The following PCDHA8 variants were observed in gnomAD, a reference collection of about 807,000 sequenced individuals.
PCDHA8 encodes protocadherin alpha 8.
PCDHA8 carries 53 observed loss-of-function variants against 61.8 expected under a neutral mutation model. The ratio of observed to expected loss-of-function variants is 0.86; its 90% CI spans 0.69 to 1.08. The LOEUF is 1.08. Ranked by LOEUF, PCDHA8 falls within the 50% of genes least tolerant of loss-of-function variation. The probability of loss-of-function intolerance (pLI) is 0.00; values close to 1 mark genes in which losing one functional copy is unlikely to be tolerated. For synonymous variants in PCDHA8, 618 were observed against 556.6 expected (o/e 1.11, Z -1.55); for missense variants, 1,293 against 1,245.0 (o/e 1.04, Z -0.58).
rs1474245483 is a variant in PCDHA8, at chr5:140,946,429, A to C, written c.2395-32520A>C. Reference sequence around the variant, plus strand: ...ATAGAAAACAATATGGAGGTTACTCAAAAATTGAGACTAAAACAACTATCC... The same window carrying C: ...ATAGAAAACAATATGGAGGTTACTCCAAAATTGAGACTAAAACAACTATCC... On this transcript the variant is annotated intron_variant, in intron 1 of 3. Coordinates refer to ENST00000531613, the MANE Select transcript of PCDHA8 (RefSeq NM_018911.3). 2.0e-5 allele frequency among the ~76,000 whole-genome samples: 3 copies of C among 151,826 alleles called. No homozygotes were observed. In the East Asian group the frequency reaches 5.8e-4, roughly 29 times the overall value.
At position 140,856,759 on chromosome 5, in the gene PCDHA8, C is replaced by A. The variant is rs148775418; in HGVS notation, c.2394+13044C>A. The stretch of plus-strand genomic sequence containing the variant: ...TCCTGGTGTTAGATGCCAATGATAA[C>A]GCCCCTATCTTTGACAGACCGGTTT... On this transcript the variant is annotated intron_variant, in intron 1 of 3. Transcript: ENST00000531613. 2.5e-6 allele frequency: 4 copies of A among 1,596,386 alleles called. 1 individual carries two copies. The highest frequency in any genetic ancestry group is 1.7e-4 in the Middle Eastern group (1 of 5,998).
At chr5:140,914,929 G>A (rs1167844428) in intron 1 of PCDHA8, among the ~76,000 whole-genome samples, 2 of 145,306 alleles carry the variant, frequency 1.4e-5, no homozygotes, top group African/African-American at 5.0e-5. Flanking sequence ...ATTGTACTAT[G>A]TTGTGAAAAG....
intron 1 of PCDHA8, chr5:140,860,410 A>T (rs2046380485): frequency 6.6e-6 from 1 of 152,082 alleles, no homozygotes; most frequent in Non-Finnish European, 1.5e-5. Context: ...AGCAATAGTA[A>T]CACCATTATC....
At position 140,870,438 on chromosome 5, in the gene PCDHA8, C is replaced by T. The variant is rs192088459; in HGVS notation, c.2394+26723C>T. 3.9e-4 allele frequency: 630 copies of T among 1,614,178 alleles called. 3 individuals are homozygous for T. The African/African-American group carries it at 7.7e-3, about 20-fold the overall frequency. On this transcript the variant is annotated intron_variant, in intron 1 of 3. Coordinates refer to ENST00000531613, the MANE Select transcript of PCDHA8 (RefSeq NM_018911.3). ...CGGCCAGGGTATCCGTGGAGGTGGCCGACGTGAACGACAATGCGCCTGCGT... is the reference window on the plus strand; with the variant it reads ...CGGCCAGGGTATCCGTGGAGGTGGCTGACGTGAACGACAATGCGCCTGCGT...
At chr5:140,877,299 C>T in intron 1 of PCDHA8, 1 of 1,613,922 alleles carries the variant, frequency 6.2e-7, no homozygotes. Flanking sequence ...GGCTGTCCTA[C>T]GAGTTGCAAC....
At chr5:140,925,420 G>C (rs1332055982) in intron 1 of PCDHA8, among the ~76,000 whole-genome samples, 2 of 152,102 alleles carry the variant, frequency 1.3e-5, no homozygotes, top group Non-Finnish European at 2.9e-5. Flanking sequence ...AAAGGAACTG[G>C]TTGTAGGGTG....
intron 1 of PCDHA8, among the ~76,000 whole-genome samples, chr5:140,899,694 T>G (rs961067519): frequency 2.0e-5 from 3 of 152,236 alleles, no homozygotes; most frequent in African/African-American, 4.8e-5. Flanking sequence ...GCTGGCCTCA[T>G]AAAATGAGTT....
chr5:140,875,981 A>G lies in PCDHA8; in HGVS notation c.2394+32266A>G, dbSNP rs200521027. 1.0e-3 allele frequency: 1,684 copies of G among 1,614,052 alleles called. 3 individuals are homozygous for G. Among genetic ancestry groups the G allele is most frequent in the Admixed American group, 1.5e-3 (93 of 60,032 alleles). ...ATCGGCGTAAACTCTCTTTTGACCT[A>G]TGCGTTAAGTCTAAATGAGAATTTT... On this transcript the variant is annotated intron_variant, in intron 1 of 3. Transcript: ENST00000531613.
chr5:140,997,087 T>C (rs1218654416), intron 3 of PCDHA8, among the ~76,000 whole-genome samples: 4 of 152,156 alleles, frequency 2.6e-5, no homozygotes, highest in Non-Finnish European at 5.9e-5. Flanking sequence ...GAGTAGAAAG[T>C]GCAGAGTTCT....
chr5:140,983,754 A>T (rs2097065978), intron 3 of PCDHA8, among the ~76,000 whole-genome samples: 3 of 152,210 alleles, frequency 2.0e-5, no homozygotes. Flanking sequence ...AATCCATTCA[A>T]ATTCAAATAC....
chr5:140,882,966 T>C (rs201472469), intron 1 of PCDHA8: 3 of 1,614,202 alleles, frequency 1.9e-6, no homozygotes, highest in Non-Finnish European at 8.5e-7. Context: ...ATCACGATTC[T>C]GGACGTGAAT....
chr5:140,910,577 C>T (rs1425639563), intron 1 of PCDHA8, among the ~76,000 whole-genome samples: 1 of 152,186 alleles, frequency 6.6e-6, no homozygotes, highest in Non-Finnish European at 1.5e-5. Flanking sequence ...TTTCTGGATC[C>T]TCCCAGCTGG....
At chr5:140,966,809 C>T (rs1335148442) in intron 1 of PCDHA8, 5 of 1,547,376 alleles carry the variant, frequency 3.2e-6, no homozygotes, top group African/African-American at 1.4e-5. Flanking sequence ...AGAGCATCCA[C>T]GGCTCCGGCG....
At chr5:140,862,905 G>A in intron 1 of PCDHA8, 2 of 551,590 alleles carry the variant, frequency 3.6e-6, no homozygotes, top group Non-Finnish European at 7.0e-6. Context: ...TGTCTGCGCT[G>A]CTGGCGCCTT....
intron 1 of PCDHA8, chr5:140,860,894 C>A (rs1220238688): frequency 1.3e-5 from 2 of 152,314 alleles, no homozygotes; most frequent in African/African-American, 2.4e-5. Context: ...CCCGCCAACA[C>A]GCCAGGCTAA....
At chr5:141,002,567 C>T (rs2098086110) in intron 3 of PCDHA8, among the ~76,000 whole-genome samples, 1 of 152,210 alleles carries the variant, frequency 6.6e-6, no homozygotes, top group Admixed American at 6.5e-5. Context: ...CAGTTAGTGA[C>T]CATGTGACCA....
chr5:140,876,723 C>G, intron 1 of PCDHA8: 2 of 1,614,250 alleles, frequency 1.2e-6, no homozygotes, highest in African/African-American at 2.7e-5. Flanking sequence ...ACCGCGAGAG[C>G]GTGTCGGCCT....
In PCDHA8 at chr5:140,848,449, A is replaced by C. The variant is rs2150410589; in HGVS notation, c.2394+4734A>C. The C allele has an allele frequency of 8.6e-6, 13 of 1,509,804 alleles. 2 individuals are homozygous for C. In the Admixed American group the frequency reaches 2.4e-4, roughly 28 times the overall value. The allele number at this position is 1,509,804 out of a possible 1,614,324, so 93.5% of individuals were successfully genotyped here. On this transcript the variant is annotated intron_variant, in intron 1 of 3. Coordinates refer to ENST00000531613, the MANE Select transcript of PCDHA8 (RefSeq NM_018911.3). ...CTGACGAAATCAGATGATTTCTTCT[A>C]ATTTGGAGGCAATTTTCACTAATTA...
intron 1 of PCDHA8, among the ~76,000 whole-genome samples, chr5:140,913,040 G>T (rs1554195697): frequency 1.3e-5 from 2 of 152,022 alleles, no homozygotes; most frequent in African/African-American, 4.8e-5. Flanking sequence ...AGATATATTG[G>T]CCTGGAGTTT....
Sources: gnomAD v4.1 joint callset for allele counts (sites outside exome capture counted in the v4.1 genomes callset) on GRCh38, gnomAD v4.1.1 for gene constraint, MANE v1.5 for transcripts, NCBI Gene and HGNC (gene_info 2026-07-23, HGNC 2026-07-21) for gene names.